SLA2: variants seen among roughly 807,000 people sequenced by gnomAD.
SLA2 encodes Src like adaptor 2.
SLA2 carries 22 observed loss-of-function variants against 27.3 expected under a neutral mutation model. The observed-to-expected ratio is 0.81, with a 90% CI of 0.58 to 1.15. SLA2 has a LOEUF of 1.15. Among genes scored for constraint, SLA2 ranks in the 50% most tolerant of loss-of-function variants. The probability of loss-of-function intolerance (pLI) is 0.00; values close to 1 mark genes in which losing one functional copy is unlikely to be tolerated. For missense variants in SLA2, 304 were observed against 322.2 expected (o/e 0.94, Z 0.43); for synonymous variants, 131 against 137.8 (o/e 0.95, Z 0.34).
At chr20:36,627,005 T>C (rs1003436531) in intron 5 of SLA2, among the ~76,000 whole-genome samples, 2 of 151,612 alleles carry the variant, frequency 1.3e-5, no homozygotes, top group Admixed American at 6.6e-5. Context: ...TCTGGGTAGG[T>C]GGTAGTCTGG....
intron 5 of SLA2, among the ~76,000 whole-genome samples, chr20:36,617,377 A>T (rs959624179): frequency 6.6e-6 from 1 of 151,540 alleles, no homozygotes; most frequent in Non-Finnish European, 1.5e-5. Flanking sequence ...TTAAAAAAAT[A>T]AATAAACAAG....
At chr20:36,617,835 G>A (rs1466888219) in intron 5 of SLA2, among the ~76,000 whole-genome samples, 1 of 147,762 alleles carries the variant, frequency 6.8e-6, no homozygotes, top group African/African-American at 2.5e-5. Context: ...CAGCCCGGGC[G>A]ACAGAGTGAG....
chr20:36,624,349 G>A (rs868642100), intron 5 of SLA2, among the ~76,000 whole-genome samples: 2 of 152,088 alleles, frequency 1.3e-5, no homozygotes, highest in East Asian at 1.9e-4. Context: ...TTCCCTGACC[G>A]CCTGCTGAGG....
At chr20:36,626,317 A>G (rs2147985965) in intron 5 of SLA2, among the ~76,000 whole-genome samples, 3 of 151,102 alleles carry the variant, frequency 2.0e-5, no homozygotes, top group South Asian at 2.1e-4. Context: ...GCTTGAACCC[A>G]GGAGGCATAG....
chr20:36,621,739 C>T (rs1465874113), intron 5 of SLA2, among the ~76,000 whole-genome samples: 3 of 151,880 alleles, frequency 2.0e-5, no homozygotes, highest in Non-Finnish European at 4.4e-5. Flanking sequence ...TGGCCAGGGA[C>T]AATGGCTAAT....
In SLA2 at chr20:36,613,696, T is replaced by C; in HGVS notation, c.*170A>G. ...ATGGCACTGGAAGGAAGTAGGTGAC[T>C]TCTAAGGGCTAAGAGAGGAAAGAGC... On this transcript the variant is annotated 3_prime_UTR_variant, in exon 8 of 8. Transcript: ENST00000262866. The C allele has an allele frequency of 1.3e-6, 1 of 749,290 alleles. No individual in the cohort carries two copies. The highest frequency in any genetic ancestry group is 2.1e-6 in the Non-Finnish European group (1 of 482,410). The allele number at this position is 749,290 out of a possible 1,614,324, so 46.4% of individuals were successfully genotyped here.
At chr20:36,631,705 G>A (rs1478746570) in intron 5 of SLA2, among the ~76,000 whole-genome samples, 1 of 152,194 alleles carries the variant, frequency 6.6e-6, no homozygotes, top group Admixed American at 6.5e-5. Flanking sequence ...CTGGCTTCCA[G>A]TGACCCAGGA....
intron 5 of SLA2, among the ~76,000 whole-genome samples, chr20:36,617,994 A>G: frequency 6.8e-6 from 1 of 147,974 alleles, no homozygotes; most frequent in Non-Finnish European, 1.5e-5. Context: ...AAAAATATAA[A>G]AAATTAGCCG....
At chr20:36,635,472 A>T (rs1357523469) in intron 2 of SLA2, among the ~76,000 whole-genome samples, 1 of 151,130 alleles carries the variant, frequency 6.6e-6, no homozygotes, top group African/African-American at 2.4e-5. Flanking sequence ...GCAGACAAGG[A>T]TGGGGGTGTT....
rs765655543 is a variant in SLA2 at position 36,613,874 on chromosome 20, C to G, written c.778G>C (p.Asp260His). Reference sequence around the variant, plus strand: ...TGGCCTCTCCTTTGGGCCTAGGCATCATCCAAAGAGACAGCCTCGTCATTC... The same window carrying G: ...TGGCCTCTCCTTTGGGCCTAGGCATGATCCAAAGAGACAGCCTCGTCATTC... ...SLNDEAVSLD[D>H]A Residue 260 changes from aspartate (D) to histidine (H), a missense_variant, in exon 8 of 8, where the codon GAT becomes CAT. By Grantham distance (81) the Asp-to-His change is moderately conservative (BLOSUM62 -1). Transcript: ENST00000262866. The G allele has an allele frequency of 6.2e-7, 1 of 1,610,138 alleles. No homozygotes were observed.
intron 5 of SLA2, among the ~76,000 whole-genome samples, chr20:36,617,239 C>T (rs1414440488): frequency 6.6e-6 from 1 of 151,108 alleles, no homozygotes; most frequent in South Asian, 2.1e-4. Context: ...TGGTGGTGTG[C>T]GCCTGTAGTC....
chr20:36,633,710 C>T, intron 3 of SLA2, 81 bp from the exon 4 acceptor site: 1 of 1,218,458 alleles, frequency 8.2e-7, no homozygotes, highest in Admixed American at 1.8e-5. Context: ...TTGCAAGGAC[C>T]CTCTCAGGCT....
chr20:36,639,338 C>A (rs935420942), intron 2 of SLA2, among the ~76,000 whole-genome samples: 1 of 151,974 alleles, frequency 6.6e-6, no homozygotes, highest in Non-Finnish European at 1.5e-5. Context: ...GTCTGCCCTG[C>A]AGATTTCAGA....
Position 36,613,807 on chromosome 20 carries a change from G to A in SLA2, c.*59C>T. On this transcript the variant is annotated 3_prime_UTR_variant, in exon 8 of 8. Coordinates refer to ENST00000262866, the MANE Select transcript of SLA2 (RefSeq NM_032214.4). Reference sequence around the variant, plus strand: ...AGCCTTGCCTCTGGGGTGCCCAGGAGGCTGAATTGGGGTTCTAGGTGTGCA... The same window carrying A: ...AGCCTTGCCTCTGGGGTGCCCAGGAAGCTGAATTGGGGTTCTAGGTGTGCA... The A allele has an allele frequency of 1.4e-6, 2 of 1,471,012 alleles. No individual in the cohort carries two copies. The highest frequency in any genetic ancestry group is 9.1e-7 in the Non-Finnish European group (1 of 1,096,280). The allele number at this position is 1,471,012 out of a possible 1,614,324, so 91.1% of individuals were successfully genotyped here.
At chr20:36,641,055 T>C (rs768018305) in intron 2 of SLA2, among the ~76,000 whole-genome samples, 190 bp downstream of exon 2, 3 of 152,220 alleles carry the variant, frequency 2.0e-5, no homozygotes, top group Non-Finnish European at 4.4e-5. Flanking sequence ...TGTTTACTGT[T>C]CTTACTGCTA....
chr20:36,623,997 A>C (rs1427039922), intron 5 of SLA2, among the ~76,000 whole-genome samples: 1 of 152,106 alleles, frequency 6.6e-6, no homozygotes, highest in Non-Finnish European at 1.5e-5. Flanking sequence ...TTAGAATCAG[A>C]AAGGGTAGCT....
chr20:36,640,675 A>C (rs2039497788), intron 2 of SLA2, among the ~76,000 whole-genome samples: 1 of 151,776 alleles, frequency 6.6e-6, no homozygotes, highest in African/African-American at 2.4e-5. Context: ...CACCACCATG[A>C]CCGGCTAATT....
rs1480011628 is a variant in SLA2 at position 36,636,621 on chromosome 20, AAAATATATATAT to A, written c.92-2044_92-2033del. Among the ~76,000 whole-genome samples, 36 of 125,708 alleles carry A rather than the reference AAAATATATATAT, an allele frequency of 2.9e-4. 1 individual carries two copies. The highest frequency in any genetic ancestry group is 1.3e-3 in the African/African-American group (36 of 27,550). The allele number at this position is 125,708 out of a possible 152,430, so 82.5% of individuals were successfully genotyped here. A position where few individuals can be genotyped will look rare whatever the true frequency, so the allele number is the denominator to read the frequency against. On this transcript the variant is annotated intron_variant, in intron 2 of 7. Transcript: ENST00000262866. Reference sequence around the variant, plus strand: ...ACTCCATCTCAAAAAGAAAAAAAAAAAAATATATATATATATATATATATATATATATGGTTG... The same window carrying A: ...ACTCCATCTCAAAAAGAAAAAAAAAAATATATATATATATATATATGGTTG...
chr20:36,636,245 GTC>G (rs1568608787), intron 2 of SLA2, among the ~76,000 whole-genome samples: 2 of 148,810 alleles, frequency 1.3e-5, no homozygotes. Context: ...GTGAAACCCC[GTC>G]TCTACTAAAA....
Sources: allele counts gnomAD v4.1 joint callset (sites outside exome capture counted in the v4.1 genomes callset), GRCh38; gene constraint gnomAD v4.1.1; transcripts MANE v1.5; gene names NCBI Gene and HGNC (gene_info 2026-07-23, HGNC 2026-07-21).